Variants in RIC1 observed in about 807,000 individuals in gnomAD.
RIC1 encodes guanine nucleotide exchange factor subunit RIC1.
In RIC1, 88 loss-of-function variants were observed where a neutral mutation model predicts 169.0. That is an observed-to-expected ratio of 0.52 (90% CI 0.44 to 0.62). The LOEUF (loss-of-function observed/expected upper bound fraction) is 0.62, where lower values mean the gene tolerates loss of function less well. Ranked by LOEUF, RIC1 falls within the 20% of genes least tolerant of loss-of-function variation. RIC1 has a pLI of 0.00. For synonymous variants in RIC1, 790 were observed against 601.5 expected, an observed-to-expected ratio of 1.31 and a Z score of -4.59; for missense variants, 1,877 against 1,725.5, an observed-to-expected ratio of 1.09 and a Z score of -1.56.
chr9:5,645,457 T>A (rs955071385), intron 1 of RIC1, among the ~76,000 whole-genome samples: 2 of 152,242 alleles, frequency 1.3e-5, no homozygotes, highest in Non-Finnish European at 2.9e-5. Context: ...TTAAGTACAT[T>A]CACATTATCA....
chr9:5,748,510 G>A (rs1369725886), intron 12 of RIC1: 1 of 152,590 alleles, frequency 6.6e-6, no homozygotes, highest in African/African-American at 2.4e-5. Context: ...TTTATAATTA[G>A]TAACAATTTT....
rs1827516865 is a variant in RIC1 at position 5,775,232 on chromosome 9, TC to T, written c.*987del. 1.3e-5 allele frequency: 2 copies of T among 152,220 alleles called. No homozygotes were observed. The highest frequency in any genetic ancestry group is 6.5e-5 in the Admixed American group (1 of 15,278). 9.4% of individuals were successfully genotyped at this position (152,220 alleles called of 1,614,324 possible). ...TTTGTAAATTGAATAAAGATGGACT[TC>T]TATGTAAATAGACTGCTGAATCCTG... On this transcript the variant is annotated 3_prime_UTR_variant, in exon 26 of 26. Coordinates refer to ENST00000414202, the MANE Select transcript of RIC1 (RefSeq NM_020829.4).
chr9:5,644,974 A>G (rs929225770), intron 1 of RIC1, among the ~76,000 whole-genome samples: 10 of 152,234 alleles, frequency 6.6e-5, no homozygotes, highest in African/African-American at 2.4e-4. Flanking sequence ...TAATGACTAA[A>G]AAATGTTTGG....
intron 2 of RIC1, 146 bp downstream of exon 2, chr9:5,656,836 C>T: frequency 3.7e-6 from 2 of 542,030 alleles, no homozygotes; most frequent in Non-Finnish European, 6.6e-6. Flanking sequence ...ACTGATTATT[C>T]TATGTGGATT....
intron 2 of RIC1, among the ~76,000 whole-genome samples, chr9:5,666,597 G>T (rs1238215430): frequency 6.6e-6 from 1 of 152,046 alleles, no homozygotes; most frequent in African/African-American, 2.4e-5. Context: ...TATTGTTAAA[G>T]GTGTTAAATT....
At chr9:5,642,955 A>G (rs1818322786) in intron 1 of RIC1, among the ~76,000 whole-genome samples, 1 of 152,180 alleles carries the variant, frequency 6.6e-6, no homozygotes, top group Non-Finnish European at 1.5e-5. Flanking sequence ...ATAAATGGAA[A>G]TCTAGTACCA....
At chr9:5,739,950 A>G (rs1824972066) in intron 8 of RIC1, among the ~76,000 whole-genome samples, 1 of 152,170 alleles carries the variant, frequency 6.6e-6, no homozygotes, top group South Asian at 2.1e-4. Flanking sequence ...CACTCAAATG[A>G]TAAGAGTTTG....
rs747255410 is a variant in RIC1 at position 5,713,954 on chromosome 9, T to C, written c.391T>C (p.Leu131=). Residue 131 remains leucine (L), a synonymous_variant, in exon 4 of 26, where the codon TTA becomes CTA. Coordinates refer to ENST00000414202, the MANE Select transcript of RIC1 (RefSeq NM_020829.4). The part of the protein sequence containing the change: ...HFKEEQCAPA[L]NLEMRKILDL... ...TAAGGAAGAACAGTGTGCTCCAGCATTAAATTTGGAGATGAGGAAAATACT... is the reference window on the plus strand; with the variant it reads ...TAAGGAAGAACAGTGTGCTCCAGCACTAAATTTGGAGATGAGGAAAATACT... 3.7e-6 allele frequency: 6 copies of C among 1,613,246 alleles called. No individual in the cohort carries two copies. The highest frequency in any genetic ancestry group is 5.1e-6 in the Non-Finnish European group (6 of 1,179,464).
intron 1 of RIC1, among the ~76,000 whole-genome samples, chr9:5,647,956 G>GTGA (rs1370073504): frequency 7.7e-6 from 1 of 130,346 alleles, no homozygotes; most frequent in South Asian, 2.5e-4. Flanking sequence ...GGTGGTGGTG[G>GTGA]TGGTGGTGGT....
At chr9:5,737,682 AAATTTACATAT>A (rs1305772418) in intron 7 of RIC1, among the ~76,000 whole-genome samples, 2 of 151,776 alleles carry the variant, frequency 1.3e-5, no homozygotes, top group Non-Finnish European at 1.5e-5. Flanking sequence ...CACAGTTGAA[AAATTTACATAT>A]AACTTTTGAC....
chr9:5,707,970 T>TTTGTTG (rs527538748), intron 3 of RIC1, among the ~76,000 whole-genome samples: 1 of 152,062 alleles, frequency 6.6e-6, no homozygotes, highest in East Asian at 1.9e-4. Context: ...CTGCTGCCTT[T>TTTGTTG]TTGTTGTTGT....
rs971996408 is a variant in RIC1, at chr9:5,775,766, T to C, written c.*1520T>C. Reference sequence around the variant, plus strand: ...AATTACTGAGTTGGGTAATTTACTATCATTTACTTTTTACATTACAAGTGC... The same window carrying C: ...AATTACTGAGTTGGGTAATTTACTACCATTTACTTTTTACATTACAAGTGC... On this transcript the variant is annotated 3_prime_UTR_variant, in exon 26 of 26. Transcript: ENST00000414202. The C allele has an allele frequency of 6.6e-6, 1 of 152,236 alleles. No homozygotes were observed. The highest frequency in any genetic ancestry group is 6.5e-5 in the Admixed American group (1 of 15,282). The allele number at this position is 152,236 out of a possible 1,614,324, so 9.4% of individuals were successfully genotyped here.
chr9:5,688,296 G>A (rs1452749756), intron 2 of RIC1, among the ~76,000 whole-genome samples: 2 of 152,184 alleles, frequency 1.3e-5, no homozygotes, highest in African/African-American at 4.8e-5. Flanking sequence ...CGCCTTCTAA[G>A]TGTGCTGACC....
intron 2 of RIC1, among the ~76,000 whole-genome samples, chr9:5,666,169 A>G (rs1487906678): frequency 1.3e-5 from 2 of 152,148 alleles, no homozygotes; most frequent in Non-Finnish European, 2.9e-5. Flanking sequence ...GGAGGAGTGG[A>G]TTGAGGTCTC....
At position 5,753,672 on chromosome 9, in the gene RIC1, C is replaced by A. The variant is rs1338913978; in HGVS notation, c.1602+26C>A. Reference sequence around the variant, plus strand: ...GTTAGTCTTTTTTGAGATTAAAAACCTATTTCTCAAAGTATAAGAGAACTA... The same window carrying A: ...GTTAGTCTTTTTTGAGATTAAAAACATATTTCTCAAAGTATAAGAGAACTA... On this transcript the variant is annotated intron_variant, in intron 14 of 25. Transcript: ENST00000414202. 3.3e-6 allele frequency: 4 copies of A among 1,210,468 alleles called. No homozygotes were observed. The Admixed American group carries it at 5.8e-5, about 18-fold the overall frequency. 75.0% of individuals were successfully genotyped at this position (1,210,468 alleles called of 1,614,324 possible).
At chr9:5,683,528 C>A (rs974989488) in intron 2 of RIC1, among the ~76,000 whole-genome samples, 11 of 152,138 alleles carry the variant, frequency 7.2e-5, no homozygotes, top group African/African-American at 2.7e-4. Context: ...GAGGAGTACC[C>A]GGCCGTGTGA....
At chr9:5,735,166 A>G (rs1417808396) in intron 7 of RIC1, among the ~76,000 whole-genome samples, 1 of 152,040 alleles carries the variant, frequency 6.6e-6, no homozygotes, top group African/African-American at 2.4e-5. Flanking sequence ...TCGATTCTTT[A>G]TAGAATATCC....
rs1206533723 is a variant in RIC1 at position 5,720,757 on chromosome 9, CTT to C, written c.720+8_720+9del. ...AAGTAGATTTACTGCAGAGGTATGACTTATTTACTTTGAAGGGTTTTTTGTTA... is the reference window on the plus strand; with the variant it reads ...AAGTAGATTTACTGCAGAGGTATGACATTTACTTTGAAGGGTTTTTTGTTA... On this transcript the variant is annotated splice_region_variant and intron_variant, in intron 6 of 25. Transcript: ENST00000414202. 1 of 1,580,908 alleles carries C rather than the reference CTT, an allele frequency of 6.3e-7. No individual in the cohort carries two copies. The highest frequency in any genetic ancestry group is 8.6e-7 in the Non-Finnish European group (1 of 1,168,630).
chr9:5,689,212 C>A (rs1002449685), intron 2 of RIC1, among the ~76,000 whole-genome samples: 2 of 151,834 alleles, frequency 1.3e-5, no homozygotes, highest in African/African-American at 2.4e-5. Context: ...CCACGCCCGG[C>A]TAATTTTTTT....
Sources: gnomAD v4.1 joint callset for allele counts (sites outside exome capture counted in the v4.1 genomes callset) on GRCh38, gnomAD v4.1.1 for gene constraint, MANE v1.5 for transcripts, NCBI Gene and HGNC (gene_info 2026-07-23, HGNC 2026-07-21) for gene names.